TEX15: variants seen among roughly 807,000 people sequenced by gnomAD.
TEX15 encodes testis-expressed protein 15.
A neutral mutation model predicts 237.3 loss-of-function variants in TEX15; 171 were observed. The observed-to-expected ratio is 0.72, with a 90% CI of 0.64 to 0.82. The LOEUF (loss-of-function observed/expected upper bound fraction) is 0.82. Ranked by LOEUF, TEX15 falls within the 40% of genes least tolerant of loss-of-function variation. The probability of loss-of-function intolerance (pLI) is 0.00; values close to 1 mark genes in which losing one functional copy is unlikely to be tolerated. For missense variants in TEX15, 3,750 were observed against 3,646.5 expected (o/e 1.03, Z -0.73); for synonymous variants, 1,338 against 1,269.8 (o/e 1.05, Z -1.14).
At chr8:30,912,409 C>T (rs1809248160) in intron 1 of TEX15, among the ~76,000 whole-genome samples, 1 of 152,180 alleles carries the variant, frequency 6.6e-6, no homozygotes, top group African/African-American at 2.4e-5. Context: ...AACGCGGCTG[C>T]TCCGCGCTGC....
At chr8:30,841,326 C>G (rs1013563394) in intron 8 of TEX15, among the ~76,000 whole-genome samples, 1 of 152,152 alleles carries the variant, frequency 6.6e-6, no homozygotes, top group Non-Finnish European at 1.5e-5. Context: ...GCTCTGGAGG[C>G]CAGACTGCCT....
At chr8:30,886,984 A>G (rs1176598970) in intron 3 of TEX15, 183 bp downstream of exon 3, 9 of 463,676 alleles carry the variant, frequency 1.9e-5, no homozygotes, top group Middle Eastern at 5.5e-4. Flanking sequence ...ACTTAGTGGG[A>G]AGGATGCAGA....
intron 3 of TEX15, among the ~76,000 whole-genome samples, chr8:30,876,096 A>G (rs1808396496): frequency 6.6e-6 from 1 of 152,162 alleles, no homozygotes; most frequent in East Asian, 1.9e-4. Flanking sequence ...GATTACAGAC[A>G]AGAGCCACTG....
chr8:30,903,694 A>G (rs1809045829), intron 1 of TEX15, among the ~76,000 whole-genome samples: 1 of 152,248 alleles, frequency 6.6e-6, no homozygotes. Context: ...CAGCCCAAGC[A>G]TTAAATATAA....
chr8:30,837,832 T>C lies in TEX15; in HGVS notation c.8452A>G (p.Met2818Val). 6.2e-7 allele frequency: 1 copy of C among 1,614,152 alleles called. No homozygotes were observed. Among genetic ancestry groups the C allele is most frequent in the Non-Finnish European group, 8.5e-7 (1 of 1,180,022 alleles). ...CTGAAGTTCACATTTCTTTTCTTCATGCTATTTAAATTTTCCTGTTGTCCA... is the reference window on the plus strand; with the variant it reads ...CTGAAGTTCACATTTCTTTTCTTCACGCTATTTAAATTTTCCTGTTGTCCA... ...FSGQQENLNS[M>V]KKRNVNFSAA... The change falls in exon 10 of 11, where the codon ATG becomes GTG. Residue 2818 changes from methionine to valine, a missense_variant. Physicochemically the swap from Met to Val is conservative, Grantham distance 21. Coordinates refer to ENST00000643185, the MANE Select transcript of TEX15 (RefSeq NM_001350162.2).
intron 1 of TEX15, among the ~76,000 whole-genome samples, chr8:30,906,243 T>C (rs752495102): frequency 3.3e-5 from 5 of 152,174 alleles, no homozygotes; most frequent in Non-Finnish European, 5.9e-5. Context: ...CTTCAAATAG[T>C]TATATTATTT....
intron 1 of TEX15, among the ~76,000 whole-genome samples, chr8:30,912,093 C>A (rs1211191747): frequency 5.9e-5 from 9 of 152,232 alleles, no homozygotes; most frequent in Non-Finnish European, 1.3e-4. Context: ...GGACGCTCCC[C>A]TCAGGCGCCC....
At chr8:30,907,802 T>A (rs909179564) in intron 1 of TEX15, among the ~76,000 whole-genome samples, 1 of 142,708 alleles carries the variant, frequency 7.0e-6, no homozygotes, top group South Asian at 2.2e-4. Flanking sequence ...CCAGGCATGG[T>A]GGCACAAGCC....
At chr8:30,841,532 T>C (rs1807452230) in intron 8 of TEX15, among the ~76,000 whole-genome samples, 4 of 152,250 alleles carry the variant, frequency 2.6e-5, no homozygotes, top group Admixed American at 2.6e-4. Context: ...ATAGGACTTT[T>C]AACTCCTTGA....
chr8:30,909,815 A>G (rs989007991), intron 1 of TEX15, among the ~76,000 whole-genome samples: 6 of 152,168 alleles, frequency 3.9e-5, no homozygotes, highest in African/African-American at 1.2e-4. Context: ...GTAACAAAAT[A>G]TAAACGGAAA....
chr8:30,869,267 T>C (rs1416205924), intron 4 of TEX15, among the ~76,000 whole-genome samples: 3 of 151,950 alleles, frequency 2.0e-5, no homozygotes, highest in Non-Finnish European at 4.4e-5. Flanking sequence ...AAACAATAGG[T>C]AAAACGAGCC....
chr8:30,842,542 G>C lies in TEX15; in HGVS notation c.7625C>G (p.Ser2542Ter). ...VNCSYAIHLLSRELQELSEIK... is the reference protein window; with the variant it reads ...VNCSYAIHLL ...TTCTGAAAGTTCTTGAAGTTCTCTTGAGAGCAAATGAATAGCATATGAGCA... is the reference window on the plus strand; with the variant it reads ...TTCTGAAAGTTCTTGAAGTTCTCTTCAGAGCAAATGAATAGCATATGAGCA... The change falls in exon 8 of 11, where the codon TCA becomes TGA. Residue 2542 changes from serine (S) to a stop codon, truncating the protein, a stop_gained. Coordinates refer to ENST00000643185, the MANE Select transcript of TEX15 (RefSeq NM_001350162.2). LOFTEE classifies it high-confidence loss of function. 1 of 1,610,630 alleles carries C rather than the reference G, an allele frequency of 6.2e-7. No homozygotes were observed. Among genetic ancestry groups the C allele is most frequent in the Non-Finnish European group, 8.5e-7 (1 of 1,179,590 alleles).
intron 5 of TEX15, among the ~76,000 whole-genome samples, chr8:30,864,801 C>A (rs1300033026): frequency 2.0e-5 from 3 of 151,736 alleles, no homozygotes; most frequent in Non-Finnish European, 4.4e-5. Flanking sequence ...AAGAGACAAG[C>A]AATATACATA....
intron 10 of TEX15, among the ~76,000 whole-genome samples, chr8:30,836,448 G>A (rs1345004259): frequency 1.3e-5 from 2 of 151,824 alleles, no homozygotes; most frequent in African/African-American, 2.4e-5. Flanking sequence ...TCCTGACCTC[G>A]TGATCTGCCC....
intron 3 of TEX15, among the ~76,000 whole-genome samples, chr8:30,884,418 CT>C (rs1808602647): frequency 6.6e-6 from 1 of 152,214 alleles, no homozygotes; most frequent in African/African-American, 2.4e-5. Flanking sequence ...GGTGTAACTT[CT>C]TCCTTAAATG....
chr8:30,904,446 C>CAA (rs200542503), intron 1 of TEX15, among the ~76,000 whole-genome samples: 7 of 102,006 alleles, frequency 6.9e-5, no homozygotes, highest in South Asian at 3.2e-4. Context: ...GACTCCGTCT[C>CAA]AAAAAAAAAA....
rs1167305888 is a variant in TEX15 at position 30,912,753 on chromosome 8, T to C, written c.-86+126A>G. Reference sequence around the variant, plus strand: ...TTAAAAATAAATTTAATCGGGAAGCTCCGAGCCAGAAGAGTAGCGTCTGAG... The same window carrying C: ...TTAAAAATAAATTTAATCGGGAAGCCCCGAGCCAGAAGAGTAGCGTCTGAG... On this transcript the variant is annotated intron_variant, in intron 1 of 10. Coordinates refer to ENST00000643185, the MANE Select transcript of TEX15 (RefSeq NM_001350162.2). The C allele has an allele frequency of 3.3e-5, 5 of 152,200 alleles. No individual in the cohort carries two copies. The East Asian group carries it at 9.6e-4, about 29-fold the overall frequency. The allele number at this position is 152,200 out of a possible 1,614,324, so 9.4% of individuals were successfully genotyped here.
intron 3 of TEX15, among the ~76,000 whole-genome samples, chr8:30,880,228 G>A (rs1237482170): frequency 3.7e-5 from 4 of 108,292 alleles, no homozygotes; most frequent in African/African-American, 3.0e-4. Context: ...ACGGGGTTTC[G>A]CCATGTGGCC....
rs1346169994 is a variant in TEX15, at chr8:30,847,911, T to C, written c.2256A>G (p.Lys752=). 1 of 1,613,840 alleles carries C rather than the reference T, an allele frequency of 6.2e-7. No homozygotes were observed. The highest frequency in any genetic ancestry group is 8.5e-7 in the Non-Finnish European group (1 of 1,179,948). The stretch of plus-strand genomic sequence containing the variant: ...TAATGCTAGCATAATTTTGATTTAT[T>C]TTCCCCAATTTCAGTTCCATTAGCT... ...AQKLMELKLG[K]INQNYASIIT... is the part of the protein sequence containing the mutation. The change falls in exon 8 of 11, where the codon AAA becomes AAG. Residue 752 remains lysine, a synonymous_variant. Coordinates refer to ENST00000643185, the MANE Select transcript of TEX15 (RefSeq NM_001350162.2).
Sources: allele counts gnomAD v4.1 joint callset (sites outside exome capture counted in the v4.1 genomes callset), GRCh38; gene constraint gnomAD v4.1.1; transcripts MANE v1.5; gene names NCBI Gene and HGNC (gene_info 2026-07-23, HGNC 2026-07-21).